Variants in FAM98B observed in about 807,000 individuals in gnomAD.
The protein encoded by FAM98B is tRNA-splicing ligase complex subunit FAM98B.
In FAM98B, 32 loss-of-function variants were observed where a neutral mutation model predicts 43.9. The ratio of observed to expected loss-of-function variants is 0.73; its 90% CI spans 0.55 to 0.98. The LOEUF (loss-of-function observed/expected upper bound fraction) is 0.98, where lower values mean the gene tolerates loss of function less well. FAM98B is among the 50% of genes least tolerant of loss of function. The probability of loss-of-function intolerance (pLI) is 0.00; values close to 1 mark genes in which losing one functional copy is unlikely to be tolerated. For missense variants in FAM98B, 514 were observed against 522.9 expected (o/e 0.98, Z 0.17); for synonymous variants, 190 against 174.0 (o/e 1.09, Z -0.72).
Position 38,465,328 on chromosome 15 carries a change from T to C in FAM98B, c.277T>C (p.Cys93Arg), listed in dbSNP as rs762249727. 3 of 1,611,828 alleles carry C rather than the reference T, an allele frequency of 1.9e-6. No homozygotes were observed. The highest frequency in any genetic ancestry group is 1.1e-5 in the South Asian group (1 of 90,534). The change falls in exon 3 of 8, where the codon TGT becomes CGT. Residue 93 changes from cysteine to arginine, a missense_variant. Coordinates refer to ENST00000397609, the MANE Select transcript of FAM98B (RefSeq NM_173611.4). ...AAGTGGCTTTTTAAAAGAAATGGCA[T>C]GTCCATATTCTGTACTCATATCAGG... Reference protein sequence around the residue: ...EISGFLKEMACPYSVLISGDI... With the variant: ...EISGFLKEMARPYSVLISGDI...
chr15:38,458,562 G>C (rs1483811897), intron 1 of FAM98B, among the ~76,000 whole-genome samples: 1 of 152,122 alleles, frequency 6.6e-6, no homozygotes, highest in Non-Finnish European at 1.5e-5. Context: ...GGTAGTTCTG[G>C]GTATTGTTGG....
At chr15:38,476,364 T>C (rs1055027831) in intron 6 of FAM98B, among the ~76,000 whole-genome samples, 19 of 152,004 alleles carry the variant, frequency 1.2e-4, no homozygotes, top group African/African-American at 4.4e-4. Context: ...TTTTCATTCA[T>C]TGTGCCCTAC....
intron 1 of FAM98B, among the ~76,000 whole-genome samples, chr15:38,456,565 A>G (rs1409079559): frequency 2.0e-5 from 3 of 152,244 alleles, no homozygotes; most frequent in Admixed American, 6.5e-5. Context: ...TAGTGGAGAA[A>G]CAGACATGAT....
rs374461368 is a variant in FAM98B, at chr15:38,484,608, T to G, written c.1251T>G (p.Gly417=). The change falls in exon 8 of 8, where the codon GGT becomes GGG. Residue 417 remains glycine (G), a synonymous_variant. Coordinates refer to ENST00000397609, the MANE Select transcript of FAM98B (RefSeq NM_173611.4). The stretch of plus-strand genomic sequence containing the variant: ...GCTATGGAGATCCATATGGAGGAGG[T>G]GGTGGTGGTGGTGGTGGTGGTGGTG... The part of the protein sequence containing the change: ...GRGYGDPYGG[G]GGGGGGGGGG... The G allele has an allele frequency of 1.4e-5, 9 of 658,414 alleles. No individual in the cohort carries two copies. The highest frequency in any genetic ancestry group is 7.3e-5 in the Admixed American group (1 of 13,774). The allele number at this position is 658,414 out of a possible 1,614,324, so 40.8% of individuals were successfully genotyped here. A position where few individuals can be genotyped will look rare whatever the true frequency, so the allele number is the denominator to read the frequency against.
At chr15:38,470,577 G>C (rs1258187550) in intron 4 of FAM98B, 172 bp downstream of exon 4, 7 of 475,226 alleles carry the variant, frequency 1.5e-5, no homozygotes, top group Non-Finnish European at 2.2e-5. Context: ...GACCTAATCT[G>C]TCAGTAGCTG....
At position 38,473,589 on chromosome 15, in the gene FAM98B, A is replaced by G; in HGVS notation, c.612+4A>G. On this transcript the variant is annotated splice_donor_region_variant and intron_variant, in intron 5 of 7. Transcript: ENST00000397609. ...GGATTTAAATTCAGAACAGGCGGTA[A>G]ATCCCCCTTTTTGTTATTAGTTTTA... The G allele has an allele frequency of 6.2e-7, 1 of 1,603,476 alleles. No individual in the cohort carries two copies. Among genetic ancestry groups the G allele is most frequent in the Non-Finnish European group, 8.5e-7 (1 of 1,175,470 alleles).
Position 38,474,279 on chromosome 15 carries a change from G to A in FAM98B, c.710G>A (p.Gly237Glu). ...TTAGATGTGACTGTACAGTCCTTTG[G>A]ATGGTCTGATAGAGCAAAGGTAAGG... ...KRLDVTVQSF[G>E]WSDRAKVKTD... Residue 237 changes from glycine (G) to glutamate (E), a missense_variant, in exon 6 of 8, where the codon GGA becomes GAA. Gly to Glu is a moderately conservative substitution (Grantham distance 98, BLOSUM62 -2). This residue lies in a region of FAM98B where 469 missense variants were observed against 451.8 expected (regional missense o/e 1.04). Coordinates refer to ENST00000397609, the MANE Select transcript of FAM98B (RefSeq NM_173611.4). 6.2e-7 allele frequency: 1 copy of A among 1,612,624 alleles called. No homozygotes were observed. The highest frequency in any genetic ancestry group is 2.2e-5 in the East Asian group (1 of 44,844).
intron 6 of FAM98B, among the ~76,000 whole-genome samples, chr15:38,477,267 A>G (rs942664154): frequency 2.4e-5 from 3 of 126,188 alleles, no homozygotes; most frequent in African/African-American, 8.3e-5. Flanking sequence ...TAGTCTTTGT[A>G]GCTGCTCATT....
chr15:38,461,978 A>G (rs62002927), intron 1 of FAM98B, among the ~76,000 whole-genome samples: 1,741 of 152,294 alleles, frequency 0.011, 20 homozygotes, highest in Non-Finnish European at 0.019. Context: ...AAAATTTGCC[A>G]AACTATATTA....
At chr15:38,463,886 C>A in intron 1 of FAM98B, 146 bp from the exon 2 acceptor site, 1 of 719,672 alleles carries the variant, frequency 1.4e-6, no homozygotes, top group Non-Finnish European at 2.1e-6. Flanking sequence ...ACAGCCGTAG[C>A]CAATTTGTAG....
intron 3 of FAM98B, among the ~76,000 whole-genome samples, chr15:38,469,559 T>C (rs1890092351): frequency 2.0e-5 from 3 of 152,244 alleles, no homozygotes; most frequent in African/African-American, 7.2e-5. Flanking sequence ...CATATCTTCC[T>C]TGACTTGGCA....
intron 7 of FAM98B, 130 bp from the exon 8 acceptor site, chr15:38,484,125 G>A: frequency 1.4e-6 from 1 of 735,136 alleles, no homozygotes; most frequent in Non-Finnish European, 2.2e-6. Flanking sequence ...ATATTAATTT[G>A]TTCTGCCATG....
intron 3 of FAM98B, among the ~76,000 whole-genome samples, chr15:38,468,972 T>C (rs961514626): frequency 2.0e-5 from 3 of 152,202 alleles, no homozygotes; most frequent in African/African-American, 7.2e-5. Flanking sequence ...AATGGCACGA[T>C]CTCGATTCAG....
In FAM98B at chr15:38,470,416, T is replaced by G. The variant is rs1890112773; in HGVS notation, c.531+11T>G. 6.4e-7 allele frequency: 1 copy of G among 1,571,068 alleles called. No individual in the cohort carries two copies. The highest frequency in any genetic ancestry group is 1.4e-5 in the African/African-American group (1 of 72,376). On this transcript the variant is annotated intron_variant, in intron 4 of 7. Coordinates refer to ENST00000397609, the MANE Select transcript of FAM98B (RefSeq NM_173611.4). ...CAAGTGGAATCAAAGGTATTATCTT[T>G]GTTTTATTTTCCCCAAAATTCAACT... is the stretch of plus-strand genomic sequence containing the variant.
At chr15:38,464,315 A>C in intron 2 of FAM98B, 138 bp downstream of exon 2, 1 of 772,554 alleles carries the variant, frequency 1.3e-6, no homozygotes, top group East Asian at 3.1e-5. Context: ...GGTAGTAAAC[A>C]TTTTTGGATT....
intron 1 of FAM98B, among the ~76,000 whole-genome samples, chr15:38,460,005 G>C (rs745965013): frequency 2.6e-5 from 4 of 152,180 alleles, no homozygotes; most frequent in African/African-American, 7.2e-5. Flanking sequence ...TTATCTCTTG[G>C]CTGATGAAAA....
chr15:38,454,324 G>C, intron 1 of FAM98B, 92 bp downstream of exon 1: 1 of 1,365,936 alleles, frequency 7.3e-7, no homozygotes, highest in Non-Finnish European at 1.0e-6. Flanking sequence ...CTGTGGGCCT[G>C]GGCGGCCATG....
intron 1 of FAM98B, 55 bp downstream of exon 1, chr15:38,454,287 G>C: frequency 6.5e-7 from 1 of 1,548,856 alleles, no homozygotes; most frequent in Non-Finnish European, 8.8e-7. Context: ...CCTTGGCCTG[G>C]CTGCTTAGCC....
intron 3 of FAM98B, among the ~76,000 whole-genome samples, chr15:38,465,853 A>T (rs902108098): frequency 3.3e-5 from 5 of 152,210 alleles, no homozygotes; most frequent in African/African-American, 1.2e-4. Flanking sequence ...TTTTTTAAAA[A>T]ATATAAAATT....
Sources: allele counts gnomAD v4.1 joint callset (sites outside exome capture counted in the v4.1 genomes callset), GRCh38; gene constraint gnomAD v4.1.1; regional missense constraint gnomAD v4.1.1; transcripts MANE v1.5; gene names NCBI Gene and HGNC (gene_info 2026-07-23, HGNC 2026-07-21).